The following EP400 variants were observed in gnomAD, a reference collection of about 807,000 sequenced individuals.
EP400 encodes the protein E1A-binding protein p400.
Under a neutral mutation model 354.1 loss-of-function variants are expected in EP400, and 105 were observed. The ratio of observed to expected loss-of-function variants is 0.30; its 90% CI spans 0.25 to 0.35. EP400 has a LOEUF of 0.35. Ranked by LOEUF, EP400 falls within the 10% of genes least tolerant of loss-of-function variation. EP400 has a pLI of 1.00. For synonymous variants in EP400, 1,646 were observed against 1,716.9 expected, an observed-to-expected ratio of 0.96 and a Z score of 1.02; for missense variants, 3,280 against 4,121.0, an observed-to-expected ratio of 0.80 and a Z score of 5.59.
intron 45 of EP400, among the ~76,000 whole-genome samples, chr12:132,055,709 T>TGTGGTATAGGG (rs1330270047): frequency 7.0e-6 from 1 of 143,828 alleles, no homozygotes; most frequent in Non-Finnish European, 1.5e-5. Flanking sequence ...TAGGGGTGTG[T>TGTGGTATAGGG]GTGTGTGTGA....
intron 1 of EP400, 67 bp from the exon 2 acceptor site, chr12:131,960,518 G>A: frequency 2.2e-6 from 3 of 1,391,720 alleles, no homozygotes; most frequent in East Asian, 2.5e-5. Context: ...TCTTTTCAGT[G>A]CTGTTAAGTG....
chr12:131,975,767 C>T (rs1393600075), intron 2 of EP400, among the ~76,000 whole-genome samples: 1 of 152,144 alleles, frequency 6.6e-6, no homozygotes, highest in Non-Finnish European at 1.5e-5. Context: ...CCACGTTGGT[C>T]AGGCTGGTCT....
intron 45 of EP400, among the ~76,000 whole-genome samples, chr12:132,057,849 G>A (rs1045821422): frequency 9.2e-5 from 14 of 152,174 alleles, no homozygotes; most frequent in Non-Finnish European, 1.8e-4. Flanking sequence ...TTTTGAAAAA[G>A]ACCTGTTCTT....
chr12:131,973,775 CTT>C (rs1051429227), intron 2 of EP400, among the ~76,000 whole-genome samples: 14 of 152,136 alleles, frequency 9.2e-5, no homozygotes, highest in Non-Finnish European at 1.9e-4. Context: ...GTGTATTTCT[CTT>C]TGTTTCCAGA....
At chr12:131,969,619 A>G (rs1892221769) in intron 2 of EP400, among the ~76,000 whole-genome samples, 1 of 152,004 alleles carries the variant, frequency 6.6e-6, no homozygotes. Flanking sequence ...TTGAAAGTGC[A>G]CCTTGTATAT....
Position 132,053,388 on chromosome 12 carries a change from C to A in EP400, c.7519C>A (p.Pro2507Thr). 6.5e-7 allele frequency: 1 copy of A among 1,541,916 alleles called. No homozygotes were observed. Among genetic ancestry groups the A allele is most frequent in the Non-Finnish European group, 8.7e-7 (1 of 1,152,766 alleles). ...QKAQQPAVAQ[P>T]PPPQPQPPPP... ...GGCACAGCAGCCGGCCGTGGCCCAGCCACCCCCGCCCCAGCCGCAGCCCCC... is the reference window on the plus strand; with the variant it reads ...GGCACAGCAGCCGGCCGTGGCCCAGACACCCCCGCCCCAGCCGCAGCCCCC... The change falls in exon 43 of 53, where the codon CCA becomes ACA. Residue 2507 changes from proline to threonine, a missense_variant. By Grantham distance (38) the Pro-to-Thr change is conservative (BLOSUM62 -1). This residue lies in a region of EP400 where 255 missense variants were observed against 295.9 expected (regional missense o/e 0.86). Transcript: ENST00000389561.
At position 132,018,123 on chromosome 12, in the gene EP400, A is replaced by G. The variant is rs1336646569; in HGVS notation, c.4111-87A>G. On this transcript the variant is annotated intron_variant, in intron 20 of 52. Transcript: ENST00000389561. This position sits in a 1 kb window ranked among gnomAD's most constrained non-coding sequence, Gnocchi z 4.0. ...GGGGGCGCGTCTGGATGCCCACGTTAGGGCCCTGCCATAGAAATCAGTTTT... is the reference window on the plus strand; with the variant it reads ...GGGGGCGCGTCTGGATGCCCACGTTGGGGCCCTGCCATAGAAATCAGTTTT... 2.1e-5 allele frequency: 32 copies of G among 1,552,552 alleles called. No homozygotes were observed. The highest frequency in any genetic ancestry group is 2.8e-5 in the Non-Finnish European group (32 of 1,143,814).
chr12:131,985,386 G>A (rs1892820017), intron 5 of EP400, among the ~76,000 whole-genome samples: 1 of 152,248 alleles, frequency 6.6e-6, no homozygotes, highest in Admixed American at 6.5e-5. Context: ...GTGGCCAGCC[G>A]GGAGACGGCG....
At chr12:131,951,329 G>A (rs1048091178) in intron 1 of EP400, among the ~76,000 whole-genome samples, 1 of 151,768 alleles carries the variant, frequency 6.6e-6, no homozygotes, top group African/African-American at 2.4e-5. Context: ...TAGGATTACA[G>A]GCATGAGCCA....
rs373509892 is a variant in EP400, at chr12:132,027,484, C to T, written c.5062C>T (p.Pro1688Ser). ...GGTGAATGCCTTGGCTGTAGGAGAA[C>T]CCGGAACGGCCTCCAAACCAGCTTC... is the stretch of plus-strand genomic sequence containing the variant. Reference protein sequence around the residue: ...VAVNALAVGEPGTASKPASPI... With the variant: ...VAVNALAVGESGTASKPASPI... The change falls in exon 26 of 53, where the codon CCC (proline) becomes TCC (serine). Residue 1688 changes from proline to serine, a missense_variant. Physicochemically the swap from Pro to Ser is moderately conservative, Grantham distance 74. Transcript: ENST00000389561. This position sits in a 1 kb window ranked among gnomAD's most constrained non-coding sequence, Gnocchi z 4.9. 6 of 1,613,816 alleles carry T rather than the reference C, an allele frequency of 3.7e-6. No individual in the cohort carries two copies. Among genetic ancestry groups the T allele is most frequent in the South Asian group, 1.1e-5 (1 of 91,056 alleles).
chr12:131,960,668 T>C lies in EP400; in HGVS notation c.49T>C (p.Ser17Pro). 1 of 1,587,276 alleles carries C rather than the reference T, an allele frequency of 6.3e-7. No individual in the cohort carries two copies. Among genetic ancestry groups the C allele is most frequent in the Non-Finnish European group, 8.6e-7 (1 of 1,168,152 alleles). The change falls in exon 2 of 53, where the codon TCC becomes CCC. Residue 17 changes from serine (S) to proline (P), a missense_variant. Coordinates refer to ENST00000389561, the MANE Select transcript of EP400 (RefSeq NM_015409.5). ...PQNVQHQLQR[S>P]RACPGSEGEE... ...GAACGTCCAGCATCAGCTGCAGAGGTCCAGGGCCTGCCCTGGCAGCGAGGG... is the reference window on the plus strand; with the variant it reads ...GAACGTCCAGCATCAGCTGCAGAGGCCCAGGGCCTGCCCTGGCAGCGAGGG...
In EP400 at chr12:132,070,395, G is replaced by A. The variant is rs74716761; in HGVS notation, c.9021+754G>A. 0.014 allele frequency among the ~76,000 whole-genome samples: 2,191 copies of A among 152,240 alleles called. 48 individuals are homozygous for A. Among genetic ancestry groups the A allele is most frequent in the African/African-American group, 0.05 (2,073 of 41,524 alleles). ...CTGTCATCCATCGATCCACAGTGCC[G>A]CCTCCACCTGAGATCCTGTGGGGAA... On this transcript the variant is annotated intron_variant, in intron 51 of 52. Transcript: ENST00000389561. The surrounding 1 kb of genome is among the most constrained non-coding windows in gnomAD (Gnocchi z 4.1).
At chr12:132,035,480 C>T (rs1000454315) in intron 30 of EP400, among the ~76,000 whole-genome samples, 21 of 152,232 alleles carry the variant, frequency 1.4e-4, no homozygotes, top group African/African-American at 2.9e-4. Flanking sequence ...TTTCCCCACA[C>T]GGTTGTGCAC....
rs1239910447 is a variant in EP400, at chr12:132,078,212, C to CAAT, written c.*541_*543dup. On this transcript the variant is annotated 3_prime_UTR_variant, in exon 53 of 53. Transcript: ENST00000389561. ...ATGGGTTTTCCATTCCAAAGAAAGG[C>CAAT]AATATGGTTCCTTCCTTCCCTCCTA... 6.5e-6 allele frequency: 1 copy of CAAT among 154,144 alleles called. No individual in the cohort carries two copies. Among genetic ancestry groups the CAAT allele is most frequent in the African/African-American group, 2.4e-5 (1 of 41,450 alleles). The allele number at this position is 154,144 out of a possible 1,614,324, so 9.5% of individuals were successfully genotyped here.
chr12:132,044,687 A>T lies in EP400; in HGVS notation c.6602A>T (p.Asp2201Val). The change falls in exon 36 of 53, where the codon GAT (aspartate) becomes GTT (valine). Residue 2201 changes from aspartate to valine, a missense_variant. By Grantham distance (152) the Asp-to-Val change is radical. Around this residue, in one of 20 missense-constraint regions of EP400, gnomAD observed 231 missense variants for 257.9 expected, o/e 0.90. Transcript: ENST00000389561. ...TCCCTACAGGAGTATGTCTACGAAG[A>T]TGTCGATGGGCAGACAGAAGTCATG... ...DAYSMEYVYE[D>V]VDGQTEVMPL... 1 of 1,614,182 alleles carries T rather than the reference A, an allele frequency of 6.2e-7. No homozygotes were observed. The highest frequency in any genetic ancestry group is 8.5e-7 in the Non-Finnish European group (1 of 1,180,050).
chr12:131,986,597 G>A lies in EP400; in HGVS notation c.2013G>A (p.Ala671=), dbSNP rs758712120. The A allele has an allele frequency of 1.6e-4, 253 of 1,613,672 alleles. No homozygotes were observed. Among genetic ancestry groups the A allele is most frequent in the Non-Finnish European group, 2.0e-4 (234 of 1,180,012 alleles). The part of the protein sequence containing the change: ...PLPTSSTSSL[A]PVSGSGPGPS... ...CCACCTCTTCTACCTCGTCCCTCGCGCCTGTGAGTGGCTCCGGCCCAGGAC... is the reference window on the plus strand; with the variant it reads ...CCACCTCTTCTACCTCGTCCCTCGCACCTGTGAGTGGCTCCGGCCCAGGAC... Residue 671 remains alanine, a synonymous_variant, in exon 6 of 53, where the codon GCG becomes GCA. Transcript: ENST00000389561.
At chr12:131,984,824 G>T (rs968562223) in intron 5 of EP400, among the ~76,000 whole-genome samples, 1 of 150,922 alleles carries the variant, frequency 6.6e-6, no homozygotes, top group Admixed American at 6.6e-5. Flanking sequence ...TCAGCCTCCC[G>T]AGTAGCTGGG....
rs557501044 is a variant in EP400, at chr12:132,003,711, G to A, written c.2828-1366G>A. 2.0e-5 allele frequency among the ~76,000 whole-genome samples: 3 copies of A among 152,316 alleles called. No homozygotes were observed. In the South Asian group the frequency reaches 6.2e-4, roughly 32 times the overall value. On this transcript the variant is annotated intron_variant, in intron 12 of 52. Coordinates refer to ENST00000389561, the MANE Select transcript of EP400 (RefSeq NM_015409.5). ...CGCTCTGGAAGCATCAGACAGACAGGAAAGGTGAAGAACCTTGTTAGGAAC... is the reference window on the plus strand; with the variant it reads ...CGCTCTGGAAGCATCAGACAGACAGAAAAGGTGAAGAACCTTGTTAGGAAC...
chr12:132,062,687 G>A lies in EP400; in HGVS notation c.8320G>A (p.Gly2774Ser), dbSNP rs771140219. 1.9e-6 allele frequency: 3 copies of A among 1,613,668 alleles called. No homozygotes were observed. Among genetic ancestry groups the A allele is most frequent in the Admixed American group, 1.7e-5 (1 of 60,016 alleles). Reference protein sequence around the residue: ...AQSPAQIKAVGKLTPEHLIKM... With the variant: ...AQSPAQIKAVSKLTPEHLIKM... ...GTCCCCAGCACAGATCAAAGCTGTG[G>A]GCAAGCTGACGCCGGTGAGCATTTC... Residue 2774 changes from glycine (G) to serine (S), a missense_variant, in exon 47 of 53, where the codon GGC (glycine) becomes AGC (serine). Coordinates refer to ENST00000389561, the MANE Select transcript of EP400 (RefSeq NM_015409.5).
Sources: allele counts gnomAD v4.1 joint callset (sites outside exome capture counted in the v4.1 genomes callset), GRCh38; gene constraint gnomAD v4.1.1; regional missense constraint gnomAD v4.1.1; non-coding constraint Gnocchi (gnomAD v3.1); transcripts MANE v1.5; gene names NCBI Gene and HGNC (gene_info 2026-07-23, HGNC 2026-07-21).